Variants in TJP2 observed in about 807,000 individuals in gnomAD.
TJP2 encodes the protein tight junction protein 2, also known as Friedreich ataxia region gene X104 (tight junction protein ZO-2).
TJP2 carries 91 observed loss-of-function variants against 133.1 expected under a neutral mutation model. The ratio of observed to expected loss-of-function variants is 0.68; its 90% CI spans 0.58 to 0.81. The LOEUF (loss-of-function observed/expected upper bound fraction) is 0.81. Ranked by LOEUF, TJP2 falls within the 40% of genes least tolerant of loss-of-function variation. TJP2 has a pLI of 0.00. For missense variants in TJP2, 1,541 were observed against 1,565.6 expected, an observed-to-expected ratio of 0.98 and a Z score of 0.26; for synonymous variants, 592 against 583.4, an observed-to-expected ratio of 1.01 and a Z score of -0.21.
chr9:69,176,964 G>A (rs1270427019), intron 1 of TJP2, among the ~76,000 whole-genome samples: 2 of 151,972 alleles, frequency 1.3e-5, no homozygotes, highest in African/African-American at 4.8e-5. Context: ...TGAAGTTTGG[G>A]TGTGGTGGGG....
chr9:69,132,419 G>T (rs1822535495), intron 1 of TJP2, among the ~76,000 whole-genome samples: 1 of 152,314 alleles, frequency 6.6e-6, no homozygotes, highest in Middle Eastern at 3.4e-3. Flanking sequence ...GAGGATGGTG[G>T]TGGGGACCCC....
At chr9:69,165,915 C>T (rs999371709) in intron 2 of TJP2, among the ~76,000 whole-genome samples, 4 of 152,066 alleles carry the variant, frequency 2.6e-5, no homozygotes, top group Admixed American at 6.5e-5. Context: ...CAGCCCCAGG[C>T]GGAGCACCAC....
rs1034306545 is a variant in TJP2 at position 69,225,345 on chromosome 9, A to G, written c.994A>G (p.Met332Val). 6.2e-7 allele frequency: 1 copy of G among 1,614,050 alleles called. No homozygotes were observed. Among genetic ancestry groups the G allele is most frequent in the Non-Finnish European group, 8.5e-7 (1 of 1,179,954 alleles). The stretch of plus-strand genomic sequence containing the variant: ...TGGGAGTCAGATCTTCGTAAAGGAA[A>G]TGACCCGAACGGGTCTGGCAACTAA... ...RLGSQIFVKEMTRTGLATKDG... is the reference protein window; with the variant it reads ...RLGSQIFVKEVTRTGLATKDG... Residue 332 changes from methionine to valine, a missense_variant, in exon 6 of 23, where the codon ATG becomes GTG. Met to Val is a conservative substitution (Grantham distance 21). Coordinates refer to ENST00000377245, the MANE Select transcript of TJP2 (RefSeq NM_004817.4).
At chr9:69,204,010 C>T (rs1287265433) in intron 1 of TJP2, among the ~76,000 whole-genome samples, 2 of 152,170 alleles carry the variant, frequency 1.3e-5, no homozygotes, top group Non-Finnish European at 2.9e-5. Flanking sequence ...CACACATTTC[C>T]CAGTGCCTGT....
intron 16 of TJP2, among the ~76,000 whole-genome samples, chr9:69,239,123 A>C (rs1411306574): frequency 6.6e-5 from 10 of 152,202 alleles, no homozygotes; most frequent in Non-Finnish European, 2.9e-5. Context: ...CAGGAGGCGG[A>C]GTTTGCAGTG....
In TJP2 at chr9:69,248,082, G is replaced by A; in HGVS notation, c.2738G>A (p.Ser913Asn). The A allele has an allele frequency of 1.2e-6, 2 of 1,614,176 alleles. No homozygotes were observed. Among genetic ancestry groups the A allele is most frequent in the Non-Finnish European group, 1.7e-6 (2 of 1,180,042 alleles). ...ACCGCCATGGGCGCGGACTATCTGA[G>A]TTGCGACAGCCGCCTCATCAGTGAC... is the stretch of plus-strand genomic sequence containing the variant. The part of the protein sequence containing the change: ...YLTAMGADYL[S>N]CDSRLISDFE... The change falls in exon 19 of 23, where the codon AGT becomes AAT. Residue 913 changes from serine to asparagine, a missense_variant. Ser to Asn is a conservative substitution (Grantham distance 46). Coordinates refer to ENST00000377245, the MANE Select transcript of TJP2 (RefSeq NM_004817.4).
At chr9:69,223,554 A>G (rs1829084528) in intron 5 of TJP2, among the ~76,000 whole-genome samples, 1 of 152,084 alleles carries the variant, frequency 6.6e-6, no homozygotes, top group Non-Finnish European at 1.5e-5. Context: ...TGATCCGCCC[A>G]CCTCAGCCTC....
chr9:69,173,035 G>A (rs1824775323), upstream of TJP2, among the ~76,000 whole-genome samples: 1 of 152,218 alleles, frequency 6.6e-6, no homozygotes, highest in Non-Finnish European at 1.5e-5. Context: ...CTCCAAAGGA[G>A]TCCAGAAGCA....
chr9:69,127,072 CTCT>C (rs1227329192), intron 1 of TJP2, among the ~76,000 whole-genome samples: 1 of 57,930 alleles, frequency 1.7e-5, no homozygotes, highest in African/African-American at 4.8e-5. Context: ...GTCTCTCTCT[CTCT>C]TTTTTTTTTT....
At chr9:69,213,628 G>A (rs561617489) in intron 2 of TJP2, among the ~76,000 whole-genome samples, 35 of 152,352 alleles carry the variant, frequency 2.3e-4, no homozygotes, top group African/African-American at 8.4e-4. Context: ...CTGGGCCAGT[G>A]CCCAGGTACC....
At chr9:69,134,078 G>A (rs372640626) in intron 1 of TJP2, among the ~76,000 whole-genome samples, 14 of 152,132 alleles carry the variant, frequency 9.2e-5, no homozygotes, top group African/African-American at 3.4e-4. Context: ...ATGCTGGGTC[G>A]CAGTTGCTTG....
chr9:69,163,951 T>C (rs1207303865), intron 2 of TJP2, among the ~76,000 whole-genome samples: 1 of 152,122 alleles, frequency 6.6e-6, no homozygotes, highest in Non-Finnish European at 1.5e-5. Flanking sequence ...CCAACGCCCT[T>C]CTCAGACCCA....
In TJP2 at chr9:69,227,586, C is replaced by G. The variant is rs540937454; in HGVS notation, c.1211-179C>G. 4.6e-5 allele frequency among the ~76,000 whole-genome samples: 7 copies of G among 152,202 alleles called. No individual in the cohort carries two copies. The South Asian group carries it at 1.5e-3, about 32-fold the overall frequency. ...TTGCCTTCCCCTTTATTAATTAATGCCTTTCCCTTAAAACGAGCAAGTTTT... is the reference window on the plus strand; with the variant it reads ...TTGCCTTCCCCTTTATTAATTAATGGCTTTCCCTTAAAACGAGCAAGTTTT... On this transcript the variant is annotated intron_variant, in intron 7 of 22. Coordinates refer to ENST00000377245, the MANE Select transcript of TJP2 (RefSeq NM_004817.4).
Position 69,240,031 on chromosome 9 carries a change from C to G in TJP2, c.2450C>G (p.Ser817Cys), listed in dbSNP as rs1554666481. 1.2e-6 allele frequency: 2 copies of G among 1,614,092 alleles called. No individual in the cohort carries two copies. The highest frequency in any genetic ancestry group is 1.7e-6 in the Non-Finnish European group (2 of 1,180,008). Residue 817 changes from serine to cysteine, a missense_variant, in exon 17 of 23, where the codon TCC (serine) becomes TGC (cysteine). Physicochemically the swap from Ser to Cys is moderately radical, Grantham distance 112. Coordinates refer to ENST00000377245, the MANE Select transcript of TJP2 (RefSeq NM_004817.4). Reference sequence around the variant, plus strand: ...ATTGTGATTTTTTTCAACCCAGACTCCAGACAAGGTGTCAAAACCATGAGA... The same window carrying G: ...ATTGTGATTTTTTTCAACCCAGACTGCAGACAAGGTGTCAAAACCATGAGA... ...FPIVIFFNPD[S>C]RQGVKTMRQR...
At chr9:69,227,628 A>G (rs974657607) in intron 7 of TJP2, 137 bp from the exon 8 acceptor site, 6 of 652,846 alleles carry the variant, frequency 9.2e-6, no homozygotes, top group East Asian at 2.8e-5. Context: ...GGGGAGGACT[A>G]TTAGACTAAT....
Position 69,254,836 on chromosome 9 carries a change from G to C in TJP2, c.*462G>C, listed in dbSNP as rs1831588398. The C allele has an allele frequency of 2.2e-6, 1 of 447,764 alleles. No individual in the cohort carries two copies. The highest frequency in any genetic ancestry group is 3.9e-6 in the Non-Finnish European group (1 of 255,552). The allele number at this position is 447,764 out of a possible 1,614,324, so 27.7% of individuals were successfully genotyped here. On this transcript the variant is annotated 3_prime_UTR_variant, in exon 23 of 23. Coordinates refer to ENST00000377245, the MANE Select transcript of TJP2 (RefSeq NM_004817.4). ...TATTGCAACTCTTTTAAGTGCCTTG[G>C]ATGAGAAGTGTCTTAAATTTTCTTC...
At position 69,174,383 on chromosome 9, in the gene TJP2, G is replaced by C. The variant is rs1243137376; in HGVS notation, c.11G>C (p.Arg4Pro). ...GGACCTGTGTCCGAAATGCCGGTGC[G>C]AGGAGACCGCGGGTTTCCACCCCGG... Reference protein sequence around the residue: MPVRGDRGFPPRRE... With the variant: MPVPGDRGFPPRRE... The change falls in exon 1 of 23, where the codon CGA (arginine) becomes CCA (proline). Residue 4 changes from arginine (R) to proline (P), a missense_variant. By Grantham distance (103) the Arg-to-Pro change is moderately radical. Transcript: ENST00000377245. 1 of 1,551,946 alleles carries C rather than the reference G, an allele frequency of 6.4e-7. No homozygotes were observed. The highest frequency in any genetic ancestry group is 8.7e-7 in the Non-Finnish European group (1 of 1,147,136).
intron 19 of TJP2, 100 bp from the exon 20 acceptor site, chr9:69,249,275 C>T: frequency 1.4e-5 from 21 of 1,540,950 alleles, no homozygotes; most frequent in Non-Finnish European, 1.8e-5. Context: ...ACCTCAACTT[C>T]TGGACTTACT....
intron 11 of TJP2, among the ~76,000 whole-genome samples, chr9:69,230,953 T>G (rs2133348640): frequency 6.6e-6 from 1 of 152,300 alleles, no homozygotes; most frequent in South Asian, 2.1e-4. Flanking sequence ...AAAATTACTA[T>G]GTGTTTGTAT....
Sources: allele counts gnomAD v4.1 joint callset (sites outside exome capture counted in the v4.1 genomes callset), GRCh38; gene constraint gnomAD v4.1.1; transcripts MANE v1.5; gene names NCBI Gene and HGNC (gene_info 2026-07-23, HGNC 2026-07-21).